SEMA5B: variants seen among roughly 807,000 people sequenced by gnomAD.
SEMA5B encodes semaphorin-5B.
A neutral mutation model predicts 135.0 loss-of-function variants in SEMA5B; 66 were observed. That is an observed-to-expected ratio of 0.49 (90% CI 0.40 to 0.60). The LOEUF is 0.60. SEMA5B is among the 20% of genes least tolerant of loss of function. The pLI is 0.00. For synonymous variants in SEMA5B, 690 were observed against 639.5 expected (o/e 1.08, Z -1.19); for missense variants, 1,501 against 1,566.3 (o/e 0.96, Z 0.70).
chr3:122,935,494 G>A (rs538001193), intron 5 of SEMA5B, among the ~76,000 whole-genome samples: 4 of 152,124 alleles, frequency 2.6e-5, no homozygotes, highest in Admixed American at 2.6e-4. Flanking sequence ...GATGGGACAG[G>A]AGACCTGGGT....
At chr3:123,002,135 G>A (rs1272199316) in intron 1 of SEMA5B, among the ~76,000 whole-genome samples, 1 of 152,202 alleles carries the variant, frequency 6.6e-6, no homozygotes, top group Non-Finnish European at 1.5e-5. Flanking sequence ...AAACACAAAT[G>A]AGTGAAACCC....
At chr3:122,929,083 C>G (rs1429905188) in intron 5 of SEMA5B, 25 bp from the exon 6 acceptor site, 5 of 1,606,522 alleles carry the variant, frequency 3.1e-6, no homozygotes, top group Non-Finnish European at 4.2e-6. Flanking sequence ...TAGGAGCACA[C>G]AGACATCACA....
rs1655402469 is a variant in SEMA5B, at chr3:122,928,596, A to C, written c.557T>G (p.Val186Gly). The C allele has an allele frequency of 6.4e-7, 1 of 1,558,094 alleles. No homozygotes were observed. The highest frequency in any genetic ancestry group is 8.7e-7 in the Non-Finnish European group (1 of 1,150,300). Residue 186 changes from valine to glycine, a missense_variant, in exon 7 of 23, where the codon GTG becomes GGG. By Grantham distance (109) the Val-to-Gly change is moderately radical. Coordinates refer to ENST00000357599, the MANE Select transcript of SEMA5B (RefSeq NM_001031702.4). Reference protein sequence around the residue: ...GKTEEECQNYVRVLIVAGRKV... With the variant: ...GKTEEECQNYGRVLIVAGRKV... ...CCGGCCGGCGACGATCAGGACTCGC[A>C]CGTAGTTCTGACACTCCTCCTGAGG...
intron 1 of SEMA5B, among the ~76,000 whole-genome samples, chr3:122,983,840 G>A (rs1941612327): frequency 6.6e-6 from 1 of 151,070 alleles, no homozygotes; most frequent in African/African-American, 2.4e-5. Context: ...CCTGAGCCTG[G>A]CATTCAGTAA....
chr3:122,926,547 C>A lies in SEMA5B; in HGVS notation c.981G>T (p.Gly327=), dbSNP rs1272290213. 1.2e-6 allele frequency: 2 copies of A among 1,614,148 alleles called. No individual in the cohort carries two copies. Among genetic ancestry groups the A allele is most frequent in the Admixed American group, 1.7e-5 (1 of 60,016 alleles). Residue 327 remains glycine, a synonymous_variant, in exon 9 of 23, where the codon GGG becomes GGT. Transcript: ENST00000357599. ...RVARVCKNDV[G]GRFLLEDTWT... ...ATGTGTCCTCCAGCAGGAATCGGCCCCCCACGTCATTCTTGCACACGCGGG... is the reference window on the plus strand; with the variant it reads ...ATGTGTCCTCCAGCAGGAATCGGCCACCCACGTCATTCTTGCACACGCGGG...
chr3:122,929,465 G>A (rs139402495), intron 5 of SEMA5B, among the ~76,000 whole-genome samples: 11 of 152,294 alleles, frequency 7.2e-5, no homozygotes, highest in South Asian at 4.1e-4. Context: ...TCAACTCAGC[G>A]GCAGGCAGGA....
intron 1 of SEMA5B, among the ~76,000 whole-genome samples, chr3:122,987,957 G>A (rs1224759255): frequency 6.6e-6 from 1 of 152,116 alleles, no homozygotes; most frequent in Admixed American, 6.5e-5. Context: ...CCGCAAGTTG[G>A]AAAATGCTGA....
At chr3:122,979,020 C>T (rs1026543603) in intron 1 of SEMA5B, among the ~76,000 whole-genome samples, 11 of 152,080 alleles carry the variant, frequency 7.2e-5, no homozygotes, top group South Asian at 2.1e-4. Flanking sequence ...GCTCCGAAGG[C>T]GGTTCAGAGA....
At chr3:122,980,346 G>A (rs1481384455) in intron 1 of SEMA5B, among the ~76,000 whole-genome samples, 7 of 152,110 alleles carry the variant, frequency 4.6e-5, no homozygotes, top group South Asian at 2.1e-4. Flanking sequence ...TGTAATCCCA[G>A]CTACTCGGGA....
intron 1 of SEMA5B, among the ~76,000 whole-genome samples, chr3:122,991,134 C>A (rs1056475923): frequency 3.3e-5 from 5 of 152,172 alleles, no homozygotes. Context: ...AGGACCCAAA[C>A]CAGCAGCCGA....
At chr3:122,961,081 T>C (rs1940553021) in intron 2 of SEMA5B, 59 bp downstream of exon 2, 1 of 1,507,834 alleles carries the variant, frequency 6.6e-7, no homozygotes, top group Non-Finnish European at 9.0e-7. Flanking sequence ...GTCTTCTCCC[T>C]GCTCTCCCCT....
chr3:122,917,790 T>A (rs1938145851), intron 12 of SEMA5B, among the ~76,000 whole-genome samples: 1 of 149,628 alleles, frequency 6.7e-6, no homozygotes, highest in Non-Finnish European at 1.5e-5. Context: ...ACAATTTGGG[T>A]AAATTGTACA....
chr3:122,991,819 G>T (rs1941886076), intron 1 of SEMA5B, among the ~76,000 whole-genome samples: 1 of 152,174 alleles, frequency 6.6e-6, no homozygotes, highest in Non-Finnish European at 1.5e-5. Context: ...AGGTTATCTT[G>T]TCGAAACATA....
rs750504291 is a variant in SEMA5B, at chr3:122,911,017, C to G, written c.3120G>C (p.Thr1040=). ...AGFNLIHLVA[T]GISCFLGSGL... ...CAGAGCCCAAGAAGCAGGAGATGCC[C>G]GTGGCCACCAAGTGGATGAGATTGA... The change falls in exon 22 of 23, where the codon ACG becomes ACC. Residue 1040 remains threonine, a synonymous_variant. Coordinates refer to ENST00000357599, the MANE Select transcript of SEMA5B (RefSeq NM_001031702.4). The G allele has an allele frequency of 6.2e-7, 1 of 1,613,374 alleles. No homozygotes were observed. The highest frequency in any genetic ancestry group is 1.7e-5 in the Admixed American group (1 of 59,988).
At position 122,922,040 on chromosome 3, in the gene SEMA5B, G is replaced by A. The variant is rs763028297; in HGVS notation, c.1563C>T (p.Pro521=). ...TGCGCAGGGGCTCGCGGCGCCCGGG[G>A]GGCAGCACGTGCAGCTCCTCCAGGT... ...GCYLEELHVL[P]PGRREPLRSL... The change falls in exon 12 of 23, where the codon CCC becomes CCT. Residue 521 remains proline (P), a synonymous_variant. Transcript: ENST00000357599. 11 of 1,496,184 alleles carry A rather than the reference G, an allele frequency of 7.4e-6. No individual in the cohort carries two copies. In the South Asian group the frequency reaches 1.3e-4, roughly 18 times the overall value. 92.7% of individuals were successfully genotyped at this position (1,496,184 alleles called of 1,614,324 possible).
intron 1 of SEMA5B, among the ~76,000 whole-genome samples, chr3:122,968,231 C>T (rs1439945034): frequency 2.0e-5 from 3 of 152,210 alleles, no homozygotes; most frequent in Non-Finnish European, 4.4e-5. Flanking sequence ...GTAGCTACCT[C>T]CTTCACAGTT....
chr3:122,924,251 C>G (rs1431544), intron 9 of SEMA5B, among the ~76,000 whole-genome samples: 3,794 of 152,274 alleles, frequency 0.025, 150 homozygotes, highest in African/African-American at 0.083. Flanking sequence ...TCAGATGACC[C>G]AGGAGACCCT....
At position 122,913,359 on chromosome 3, in the gene SEMA5B, C is replaced by T; in HGVS notation, c.2346G>A (p.Trp782Ter). 6.3e-7 allele frequency: 1 copy of T among 1,582,760 alleles called. No homozygotes were observed. Among genetic ancestry groups the T allele is most frequent in the East Asian group, 2.3e-5 (1 of 44,178 alleles). Residue 782 changes from tryptophan (W) to a stop codon, truncating the protein, a stop_gained, in exon 17 of 23, where the codon TGG becomes TGA. Transcript: ENST00000357599. LOFTEE classifies it high-confidence loss of function. ...EVRRNTPWTP[W>*]LPVNVTQGGA... ...CGCCCTGCGTCACGTTCACGGGCAG[C>T]CACGGCGTCCAGGGGGTGTTGCGCC... is the stretch of plus-strand genomic sequence containing the variant.
chr3:122,959,252 G>A (rs1940472284), intron 2 of SEMA5B, among the ~76,000 whole-genome samples: 2 of 152,276 alleles, frequency 1.3e-5, no homozygotes, highest in South Asian at 2.1e-4. Flanking sequence ...TGTAATCGTC[G>A]CCATTTCGTG....
Sources: gnomAD v4.1 joint callset for allele counts (sites outside exome capture counted in the v4.1 genomes callset) on GRCh38, gnomAD v4.1.1 for gene constraint, MANE v1.5 for transcripts, NCBI Gene and HGNC (gene_info 2026-07-23, HGNC 2026-07-21) for gene names.